The following COL24A1 variants were observed in gnomAD, a reference collection of about 807,000 sequenced individuals.
The protein encoded by COL24A1 is collagen alpha-1(XXIV) chain.
In COL24A1, 224 loss-of-function variants were observed where a neutral mutation model predicts 253.9. That is an observed-to-expected ratio of 0.88 (90% confidence interval 0.79 to 0.99). The LOEUF is 0.99. Among genes scored for constraint, COL24A1 ranks in the 50% least tolerant of loss-of-function variants. The pLI is 0.00. For synonymous variants in COL24A1, 685 were observed against 673.7 expected, an observed-to-expected ratio of 1.02 and a Z score of -0.26; for missense variants, 2,131 against 2,068.5, an observed-to-expected ratio of 1.03 and a Z score of -0.59.
chr1:86,130,188 C>G (rs1648945127), intron 2 of COL24A1, among the ~76,000 whole-genome samples: 1 of 151,824 alleles, frequency 6.6e-6, no homozygotes, highest in African/African-American at 2.4e-5. Flanking sequence ...CCTCATCTGA[C>G]TTTCTTTTTG....
chr1:86,016,257 T>C (rs761596916), intron 19 of COL24A1, among the ~76,000 whole-genome samples: 4 of 152,126 alleles, frequency 2.6e-5, no homozygotes, highest in African/African-American at 4.8e-5. Flanking sequence ...TCAGCCAACC[T>C]TGAAGGACAG....
At chr1:85,872,200 C>A in intron 35 of COL24A1, among the ~76,000 whole-genome samples, 1 of 152,104 alleles carries the variant, frequency 6.6e-6, no homozygotes, top group Non-Finnish European at 1.5e-5. Flanking sequence ...AAAGAGGACA[C>A]AAACAAATGG....
At chr1:85,944,561 G>A (rs1689061753) in intron 24 of COL24A1, among the ~76,000 whole-genome samples, 1 of 151,588 alleles carries the variant, frequency 6.6e-6, no homozygotes, top group East Asian at 1.9e-4. Context: ...TTCACAGGTA[G>A]GACAGACACT....
intron 57 of COL24A1, among the ~76,000 whole-genome samples, chr1:85,742,541 T>A (rs372194797): frequency 3.3e-5 from 5 of 152,188 alleles, no homozygotes; most frequent in East Asian, 3.9e-4. Flanking sequence ...TTACTTAGGA[T>A]CTCCTTCTTG....
intron 59 of COL24A1, among the ~76,000 whole-genome samples, chr1:85,731,931 C>G (rs1570369532): frequency 6.6e-6 from 1 of 152,094 alleles, no homozygotes; most frequent in Non-Finnish European, 1.5e-5. Flanking sequence ...ATGGCTTAAG[C>G]TGAACACCCA....
Position 85,896,394 on chromosome 1 carries a change from C to T in COL24A1, c.2794G>A (p.Asp932Asn). The T allele has an allele frequency of 6.2e-7, 1 of 1,613,388 alleles. No homozygotes were observed. Among genetic ancestry groups the T allele is most frequent in the Non-Finnish European group, 8.5e-7 (1 of 1,179,418 alleles). ...PKGQRGSRGPDGLLGEQGIQG... is the reference protein window; with the variant it reads ...PKGQRGSRGPNGLLGEQGIQG... ...ATACCTTGTTCCCCTAAGAGACCATCTGGTCCTCTTGATCCCTAGAGGTGA... is the reference window on the plus strand; with the variant it reads ...ATACCTTGTTCCCCTAAGAGACCATTTGGTCCTCTTGATCCCTAGAGGTGA... The change falls in exon 29 of 60, where the codon GAT becomes AAT. Residue 932 changes from aspartate (D) to asparagine (N), a missense_variant. Physicochemically the swap from Asp to Asn is conservative, Grantham distance 23 (BLOSUM62 1). Coordinates refer to ENST00000370571, the MANE Select transcript of COL24A1 (RefSeq NM_152890.7).
At chr1:86,135,677 C>T (rs1362207134) in intron 2 of COL24A1, among the ~76,000 whole-genome samples, 2 of 151,908 alleles carry the variant, frequency 1.3e-5, no homozygotes, top group African/African-American at 4.8e-5. Context: ...GCTCACAATT[C>T]ATATCCTTTT....
At chr1:85,783,460 C>A in intron 51 of COL24A1, 36 bp downstream of exon 51, 1 of 1,594,458 alleles carries the variant, frequency 6.3e-7, no homozygotes, top group South Asian at 1.1e-5. Context: ...AGCAAAGAAC[C>A]ACAATTTCTG....
At position 86,022,223 on chromosome 1, in the gene COL24A1, C is replaced by T. The variant is rs746655513; in HGVS notation, c.2256+17G>A. 1 of 1,611,464 alleles carries T rather than the reference C, an allele frequency of 6.2e-7. No homozygotes were observed. The highest frequency in any genetic ancestry group is 2.2e-5 in the East Asian group (1 of 44,842). ...ACTCTGTCAATTACAAAGAGCAAAG[C>T]AAAAGTTCAAACCTACTGAAGGCCC... On this transcript the variant is annotated intron_variant, in intron 18 of 59. Transcript: ENST00000370571.
chr1:85,744,199 A>T (rs1664955710), intron 57 of COL24A1, among the ~76,000 whole-genome samples: 1 of 152,052 alleles, frequency 6.6e-6, no homozygotes, highest in African/African-American at 2.4e-5. Flanking sequence ...TTGAGATTAG[A>T]CACTTCCAAG....
chr1:85,771,535 T>G (rs1227494327), intron 53 of COL24A1, among the ~76,000 whole-genome samples: 1 of 152,220 alleles, frequency 6.6e-6, no homozygotes, highest in Non-Finnish European at 1.5e-5. Context: ...CAGTATTTGC[T>G]ATTGTGAATA....
At chr1:85,733,266 A>G (rs1043887859) in intron 59 of COL24A1, among the ~76,000 whole-genome samples, 4 of 152,178 alleles carry the variant, frequency 2.6e-5, no homozygotes, top group African/African-American at 9.7e-5. Context: ...AAAATAATTA[A>G]TGATACATAT....
intron 57 of COL24A1, among the ~76,000 whole-genome samples, chr1:85,737,918 G>C (rs1664226682): frequency 6.6e-6 from 1 of 152,102 alleles, no homozygotes; most frequent in South Asian, 2.1e-4. Flanking sequence ...AGTTTCACCT[G>C]TTAAAAACTT....
chr1:86,032,861 C>T (rs1698688262), intron 13 of COL24A1, among the ~76,000 whole-genome samples: 1 of 152,102 alleles, frequency 6.6e-6, no homozygotes, highest in Non-Finnish European at 1.5e-5. Context: ...TAACAGACTT[C>T]ATGGATAGTA....
At chr1:86,103,251 C>G (rs1704635038) in intron 5 of COL24A1, among the ~76,000 whole-genome samples, 1 of 151,990 alleles carries the variant, frequency 6.6e-6, no homozygotes, top group Non-Finnish European at 1.5e-5. Context: ...TTCTTTATCT[C>G]TTTATTTTGA....
At chr1:86,136,973 A>G (rs1159849425) in intron 2 of COL24A1, among the ~76,000 whole-genome samples, 2 of 134,348 alleles carry the variant, frequency 1.5e-5, no homozygotes, top group Non-Finnish European at 3.2e-5. Flanking sequence ...ATATGACTGG[A>G]GCTGAGGAGA....
intron 53 of COL24A1, among the ~76,000 whole-genome samples, chr1:85,775,142 C>T (rs1397933113): frequency 1.3e-5 from 2 of 152,164 alleles, no homozygotes; most frequent in African/African-American, 4.8e-5. Context: ...AGTAGTCATT[C>T]AGAAGCAGGT....
At chr1:86,023,243 G>T (rs1207153451) in intron 14 of COL24A1, among the ~76,000 whole-genome samples, 1 of 152,008 alleles carries the variant, frequency 6.6e-6, no homozygotes, top group African/African-American at 2.4e-5. Context: ...AGTCCACAGA[G>T]ATTCTTTCCT....
At chr1:86,146,844 T>C (rs1308329742) in intron 1 of COL24A1, among the ~76,000 whole-genome samples, 1 of 152,078 alleles carries the variant, frequency 6.6e-6, no homozygotes, top group African/African-American at 2.4e-5. Flanking sequence ...CCATTAGTAT[T>C]GATAAGCTAT....
Sources: allele counts gnomAD v4.1 joint callset (sites outside exome capture counted in the v4.1 genomes callset), GRCh38; gene constraint gnomAD v4.1.1; transcripts MANE v1.5; gene names NCBI Gene and HGNC (gene_info 2026-07-23, HGNC 2026-07-21).